ADCY9: variants seen among roughly 807,000 people sequenced by gnomAD.
ADCY9 encodes adenylate cyclase type 9.
ADCY9 carries 50 observed loss-of-function variants against 101.5 expected under a neutral mutation model. The ratio of observed to expected loss-of-function variants is 0.49; its 90% confidence interval spans 0.39 to 0.62. ADCY9 has a LOEUF of 0.62. ADCY9 is among the 20% of genes least tolerant of loss of function. The pLI is 0.00. For missense variants in ADCY9, 1,662 were observed against 1,800.4 expected (o/e 0.92, Z 1.39); for synonymous variants, 905 against 769.3 (o/e 1.18, Z -2.92).
chr16:3,974,927 C>T (rs137895122), intron 9 of ADCY9, among the ~76,000 whole-genome samples: 28 of 152,272 alleles, frequency 1.8e-4, no homozygotes, highest in African/African-American at 6.0e-4. Context: ...GTTTACCATC[C>T]CGCATCCTCT....
At chr16:3,958,397 G>A (rs942217929), downstream of ADCY9, among the ~76,000 whole-genome samples, 2 of 151,722 alleles carry the variant, frequency 1.3e-5, no homozygotes, top group Admixed American at 6.6e-5. Context: ...AAAATTAGCC[G>A]GGTGTGGTGG....
intron 2 of ADCY9, among the ~76,000 whole-genome samples, chr16:4,008,067 G>C (rs976958533): frequency 2.6e-5 from 4 of 151,998 alleles, no homozygotes; most frequent in African/African-American, 9.7e-5. Context: ...GGACCAAGAG[G>C]CCATTAAAAC....
At chr16:4,058,547 G>A (rs1163349686) in intron 2 of ADCY9, among the ~76,000 whole-genome samples, 1 of 151,970 alleles carries the variant, frequency 6.6e-6, no homozygotes, top group Non-Finnish European at 1.5e-5. Flanking sequence ...GGAACCCCAT[G>A]CTACACTGAC....
At chr16:3,956,573 C>T (rs1453262218) in intron 5 of ADCY9, among the ~76,000 whole-genome samples, 5 of 137,016 alleles carry the variant, frequency 3.6e-5, no homozygotes, top group Non-Finnish European at 7.6e-5. Flanking sequence ...TCACTGAAAC[C>T]TCTGTCTCCC....
intron 2 of ADCY9, among the ~76,000 whole-genome samples, chr16:4,062,354 G>C (rs2056778190): frequency 6.6e-6 from 1 of 152,116 alleles, no homozygotes; most frequent in Admixed American, 6.5e-5. Flanking sequence ...GTGAGACAGA[G>C]AAAACATAGC....
Position 4,114,294 on chromosome 16 carries a change from G to T in ADCY9, c.1149C>A (p.Arg383=). The change falls in exon 2 of 11, where the codon CGC becomes CGA. Residue 383 remains arginine (R), a synonymous_variant. Transcript: ENST00000294016. The surrounding 1 kb of genome is among the most constrained non-coding windows in gnomAD (Gnocchi z 4.3). The part of the protein sequence containing the change: ...SSIQKAPIAF[R]PFKMQQIEEV... ...CTTCGATCTGCTGCATCTTAAAAGG[G>T]CGGAAGGCTATAGGAGCTTTTTGGA... The T allele has an allele frequency of 6.2e-7, 1 of 1,613,942 alleles. No homozygotes were observed. The highest frequency in any genetic ancestry group is 8.5e-7 in the Non-Finnish European group (1 of 1,180,040).
intron 3 of ADCY9, among the ~76,000 whole-genome samples, chr16:4,003,418 C>T (rs560028797): frequency 7.6e-4 from 115 of 152,228 alleles, no homozygotes; most frequent in African/African-American, 2.6e-3. Flanking sequence ...CGAGTGTGAG[C>T]GAGGCTTCTT....
chr16:4,064,484 T>G (rs953362709), intron 2 of ADCY9, among the ~76,000 whole-genome samples: 1 of 152,160 alleles, frequency 6.6e-6, no homozygotes, highest in Non-Finnish European at 1.5e-5. Context: ...TTGTTTTTTG[T>G]TTTTGAGAGA....
chr16:4,104,602 A>AC (rs2057064349), intron 2 of ADCY9, among the ~76,000 whole-genome samples: 1 of 152,032 alleles, frequency 6.6e-6, no homozygotes. Flanking sequence ...ACAGAGTAGG[A>AC]CCCCATCTCA....
chr16:4,042,960 A>G (rs1047401295), intron 2 of ADCY9, among the ~76,000 whole-genome samples: 2 of 152,202 alleles, frequency 1.3e-5, no homozygotes, highest in East Asian at 1.9e-4. Context: ...GGCCGGGCGC[A>G]GTGGCTCACG....
chr16:4,078,286 G>A (rs1470524008), intron 2 of ADCY9, among the ~76,000 whole-genome samples: 1 of 152,162 alleles, frequency 6.6e-6, no homozygotes, highest in African/African-American at 2.4e-5. Flanking sequence ...TCCAGTCCAG[G>A]CACAATGGTT....
In ADCY9 at chr16:3,966,408, C is replaced by A; in HGVS notation, c.3429G>T (p.Lys1143Asn). ...AGTCGTCCACCACGCGCATCATCTC[C>A]TTGGCGAACTCGAACAGGATCTGCA... ...EHLQILFEFA[K>N]EMMRVVDDFN... is the part of the protein sequence containing the mutation. The change falls in exon 11 of 11, where the codon AAG (lysine) becomes AAT (asparagine). Residue 1143 changes from lysine (K) to asparagine (N), a missense_variant. Physicochemically the swap from Lys to Asn is moderately conservative, Grantham distance 94. Around this residue, in one of 5 missense-constraint regions of ADCY9, gnomAD observed 220 missense variants for 312.9 expected, o/e 0.70. Coordinates refer to ENST00000294016, the MANE Select transcript of ADCY9 (RefSeq NM_001116.4). The A allele has an allele frequency of 6.2e-7, 1 of 1,614,154 alleles. No individual in the cohort carries two copies. Among genetic ancestry groups the A allele is most frequent in the Non-Finnish European group, 8.5e-7 (1 of 1,180,040 alleles).
intron 2 of ADCY9, among the ~76,000 whole-genome samples, chr16:4,078,110 T>C (rs1220632867): frequency 2.0e-5 from 3 of 152,228 alleles, no homozygotes; most frequent in Non-Finnish European, 4.4e-5. Context: ...ACACTCATCA[T>C]ACAACCCAGT....
Position 3,966,833 on chromosome 16 carries a change from C to T in ADCY9, c.3004G>A (p.Val1002Ile). ...LVWFLNREFE[V>I]SYRLHYHGDV... is the part of the protein sequence containing the mutation. Reference sequence around the variant, plus strand: ...CCGTGGTAGTGGAGGCGGTAGCTGACTTCAAATTCGCGATTCAGGAACCAG... The same window carrying T: ...CCGTGGTAGTGGAGGCGGTAGCTGATTTCAAATTCGCGATTCAGGAACCAG... Residue 1002 changes from valine to isoleucine, a missense_variant, in exon 11 of 11, where the codon GTC (valine) becomes ATC (isoleucine). By Grantham distance (29) the Val-to-Ile change is conservative (BLOSUM62 3). Coordinates refer to ENST00000294016, the MANE Select transcript of ADCY9 (RefSeq NM_001116.4). 1.9e-6 allele frequency: 3 copies of T among 1,614,196 alleles called. No individual in the cohort carries two copies. Among genetic ancestry groups the T allele is most frequent in the Non-Finnish European group, 2.5e-6 (3 of 1,180,042 alleles).
chr16:4,095,512 A>C (rs1356531808), intron 2 of ADCY9, among the ~76,000 whole-genome samples: 1 of 152,220 alleles, frequency 6.6e-6, no homozygotes, highest in Non-Finnish European at 1.5e-5. Flanking sequence ...CAGTCCTACG[A>C]GTGAAAAACT....
At chr16:4,027,315 G>A (rs11076802) in intron 2 of ADCY9, among the ~76,000 whole-genome samples, 11,459 of 152,258 alleles carry the variant, frequency 0.075, 615 homozygotes, top group Admixed American at 0.1. Context: ...AAAATGCCAA[G>A]AATCTGGTTA....
Position 4,070,118 on chromosome 16 carries a change from GTA to G in ADCY9, c.1693+43630_1693+43631del, listed in dbSNP as rs1214173411. On this transcript the variant is annotated intron_variant, in intron 2 of 10. Coordinates refer to ENST00000294016, the MANE Select transcript of ADCY9 (RefSeq NM_001116.4). The stretch of plus-strand genomic sequence containing the variant: ...GTCTCAAAAAAATATGTATGTGTGT[GTA>G]TGTGTGTGTGTGTGTGTGTGTGTGT... Among the ~76,000 whole-genome samples, 37 of 107,002 alleles carry G rather than the reference GTA, an allele frequency of 3.5e-4. 1 individual carries two copies. Among genetic ancestry groups the G allele is most frequent in the African/African-American group, 1.1e-3 (31 of 27,908 alleles). The allele number at this position is 107,002 out of a possible 152,430, so 70.2% of individuals were successfully genotyped here.
intron 2 of ADCY9, among the ~76,000 whole-genome samples, chr16:4,089,522 A>G (rs2056960361): frequency 6.6e-6 from 1 of 152,036 alleles, no homozygotes; most frequent in East Asian, 1.9e-4. Flanking sequence ...AATTGTGGAT[A>G]ATGTTGCTAT....
At chr16:4,019,311 T>C (rs776800699) in intron 2 of ADCY9, among the ~76,000 whole-genome samples, 1 of 152,196 alleles carries the variant, frequency 6.6e-6, no homozygotes, top group Non-Finnish European at 1.5e-5. Context: ...CTCAAGGTGT[T>C]GCTGCACATT....
Sources: gnomAD v4.1 joint callset for allele counts (sites outside exome capture counted in the v4.1 genomes callset) on GRCh38, gnomAD v4.1.1 for gene constraint, gnomAD v4.1.1 regional missense constraint, Gnocchi (gnomAD v3.1) non-coding constraint, MANE v1.5 for transcripts, NCBI Gene and HGNC (gene_info 2026-07-23, HGNC 2026-07-21) for gene names.